Variants in ZFHX3 observed in about 807,000 individuals in gnomAD.
ZFHX3 encodes zinc finger homeobox protein 3.
ZFHX3 carries 42 observed loss-of-function variants against 279.1 expected under a neutral mutation model. That is an observed-to-expected ratio of 0.15 (90% CI 0.12 to 0.19). ZFHX3 has a LOEUF of 0.19. Among genes scored for constraint, ZFHX3 ranks in the 10% least tolerant of loss-of-function variants. The pLI, the probability that ZFHX3 is intolerant of heterozygous loss-of-function variation, is 1.00. For synonymous variants in ZFHX3, 2,293 were observed against 1,957.8 expected (o/e 1.17, Z -4.52); for missense variants, 4,981 against 4,754.0 (o/e 1.05, Z -1.40).
In ZFHX3 at chr16:73,351,070, A is replaced by G. The variant is rs1190715462; in HGVS notation, c.-1290-32734T>C. ...TGGCATTTGGCGTTAACTGTCCAAG[A>G]ATACGTAAGGATGGCAAGTTAAACA... On this transcript the variant is annotated intron_variant, in intron 3 of 17. Transcript: ENST00000641206. Among the ~76,000 whole-genome samples the G allele has an allele frequency of 2.0e-5, 3 of 152,312 alleles. No homozygotes were observed. In the East Asian group the frequency reaches 5.8e-4, roughly 29 times the overall value.
intron 3 of ZFHX3, among the ~76,000 whole-genome samples, chr16:73,413,996 C>G (rs2017520860): frequency 6.6e-6 from 1 of 152,196 alleles, no homozygotes. Flanking sequence ...TACAAATGAT[C>G]AAAGGCCCTG....
intron 2 of ZFHX3, among the ~76,000 whole-genome samples, chr16:73,589,733 CAAAAAAAAAAAAAAAAAAAAAAAAAA>C (rs59777135): frequency 6.8e-5 from 2 of 29,568 alleles, no homozygotes; most frequent in Non-Finnish European, 1.5e-4. Flanking sequence ...GACTCCGTCT[CAAAAAAAAAAAAAAAAAAAAAAAAAA>C]AAAAAAAAAA....
intron 4 of ZFHX3, among the ~76,000 whole-genome samples, chr16:72,879,086 C>T (rs770550825): frequency 6.6e-6 from 1 of 152,184 alleles, no homozygotes; most frequent in Non-Finnish European, 1.5e-5. Context: ...GTGACTTGCC[C>T]TGGAAGCGCA....
At chr16:73,235,216 C>G (rs1368810116) in intron 5 of ZFHX3, among the ~76,000 whole-genome samples, 1 of 152,086 alleles carries the variant, frequency 6.6e-6, no homozygotes, top group Non-Finnish European at 1.5e-5. Flanking sequence ...ATTACAGGTG[C>G]CCACCACCAC....
rs1481712046 is a variant in ZFHX3 at position 73,838,740 on chromosome 16, G to A, written c.-1608+52911C>T. The stretch of plus-strand genomic sequence containing the variant: ...GCAAGTCAACTGCTACTGTGTGTGT[G>A]TGCGCACATGCGTGTGTGTGTCTGT... On this transcript the variant is annotated intron_variant, in intron 1 of 17. Coordinates refer to the ZFHX3 transcript ENST00000641206. 2.7e-5 allele frequency among the ~76,000 whole-genome samples: 4 copies of A among 150,116 alleles called. No homozygotes were observed. In the East Asian group the frequency reaches 7.8e-4, roughly 29 times the overall value.
At chr16:73,234,832 C>T (rs2012891553) in intron 5 of ZFHX3, among the ~76,000 whole-genome samples, 1 of 152,138 alleles carries the variant, frequency 6.6e-6, no homozygotes, top group East Asian at 1.9e-4. Context: ...TGGCCAATTG[C>T]CTCAGCCTTT....
chr16:73,040,613 A>G (rs1337549865), intron 1 of ZFHX3, among the ~76,000 whole-genome samples: 6 of 152,222 alleles, frequency 3.9e-5, no homozygotes, highest in Non-Finnish European at 2.9e-5. Flanking sequence ...ACTTCTGAAC[A>G]CGGTTGCAAA....
intron 4 of ZFHX3, among the ~76,000 whole-genome samples, chr16:73,308,673 T>A (rs941825917): frequency 1.3e-5 from 2 of 152,146 alleles, no homozygotes; most frequent in African/African-American, 4.8e-5. Flanking sequence ...GATTAAGTAG[T>A]GTTACAATGG....
chr16:72,795,550 T>G lies in ZFHX3; in HGVS notation c.7132A>C (p.Thr2378Pro). 6.2e-7 allele frequency: 1 copy of G among 1,614,100 alleles called. No homozygotes were observed. Among genetic ancestry groups the G allele is most frequent in the Non-Finnish European group, 8.5e-7 (1 of 1,180,020 alleles). ...SMDAMEILTP[T>P]SSSCSTPMPS... is the part of the protein sequence containing the mutation. ...ATCGGGGTACTGCAGGATGAGCTGG[T>G]AGGCGTCAGGATTTCCATGGCATCC... The change falls in exon 9 of 10, where the codon ACC becomes CCC. Residue 2378 changes from threonine (T) to proline (P), a missense_variant. Physicochemically the swap from Thr to Pro is conservative, Grantham distance 38. Around this residue, in one of 7 missense-constraint regions of ZFHX3, gnomAD observed 744 missense variants for 701.3 expected, o/e 1.06. Transcript: ENST00000268489.
intron 2 of ZFHX3, among the ~76,000 whole-genome samples, chr16:73,604,399 G>C (rs2052156199): frequency 6.6e-6 from 1 of 152,016 alleles, no homozygotes; most frequent in African/African-American, 2.4e-5. Flanking sequence ...TAATCCACTG[G>C]AAACATAGGT....
At chr16:73,084,658 C>T (rs552595573) in intron 8 of ZFHX3, among the ~76,000 whole-genome samples, 2 of 151,752 alleles carry the variant, frequency 1.3e-5, no homozygotes, top group East Asian at 3.9e-4. Context: ...GCTGAGACTA[C>T]AGGTGCCTGC....
intron 3 of ZFHX3, among the ~76,000 whole-genome samples, chr16:72,937,975 T>A (rs772103119): frequency 6.6e-6 from 1 of 152,260 alleles, no homozygotes; most frequent in African/African-American, 2.4e-5. Flanking sequence ...GAGAAACGGA[T>A]AACCACCTGC....
At chr16:73,365,724 C>T (rs942523141) in intron 3 of ZFHX3, among the ~76,000 whole-genome samples, 4 of 152,198 alleles carry the variant, frequency 2.6e-5, no homozygotes, top group African/African-American at 4.8e-5. Flanking sequence ...TGGCCCCCAG[C>T]TCACCAAAAT....
intron 4 of ZFHX3, among the ~76,000 whole-genome samples, chr16:72,887,214 G>A (rs1041245607): frequency 6.6e-6 from 1 of 152,156 alleles, no homozygotes; most frequent in African/African-American, 2.4e-5. Flanking sequence ...CTTTGGAGGG[G>A]CTTAGGAGGG....
At chr16:73,445,212 C>T (rs116303471) in intron 3 of ZFHX3, among the ~76,000 whole-genome samples, 1,720 of 150,108 alleles carry the variant, frequency 0.011, 30 homozygotes, top group African/African-American at 0.04. Flanking sequence ...ATACATAATT[C>T]GAATATATAA....
At chr16:73,209,901 A>G (rs1157833563) in intron 5 of ZFHX3, among the ~76,000 whole-genome samples, 2 of 152,202 alleles carry the variant, frequency 1.3e-5, no homozygotes, top group South Asian at 2.1e-4. Flanking sequence ...TTGAGAGCCA[A>G]TCAATGTTCA....
chr16:73,266,169 G>A (rs1184637379), intron 4 of ZFHX3, among the ~76,000 whole-genome samples: 1 of 152,188 alleles, frequency 6.6e-6, no homozygotes, highest in African/African-American at 2.4e-5. Context: ...GGTCCTATAG[G>A]CAAAGACAAT....
At chr16:73,753,987 T>TGTGTGTGTGTGTGG (rs2053784019) in intron 1 of ZFHX3, among the ~76,000 whole-genome samples, 1 of 11,422 alleles carries the variant, frequency 8.8e-5, no homozygotes, top group Non-Finnish European at 1.4e-4. Context: ...TAAGAATCAA[T>TGTGTGTGTGTGTGG]GTGTGTGTGT....
intron 3 of ZFHX3, among the ~76,000 whole-genome samples, chr16:73,358,225 C>T (rs2016377126): frequency 6.6e-6 from 1 of 152,234 alleles, no homozygotes; most frequent in Admixed American, 6.5e-5. Flanking sequence ...CTCTTGCAGT[C>T]CCCTCCCCTC....
Sources: gnomAD v4.1 joint callset for allele counts (sites outside exome capture counted in the v4.1 genomes callset) on GRCh38, gnomAD v4.1.1 for gene constraint, gnomAD v4.1.1 regional missense constraint, MANE v1.5 for transcripts, NCBI Gene and HGNC (gene_info 2026-07-23, HGNC 2026-07-21) for gene names.